Variants in PRDM11 observed in about 807,000 individuals in gnomAD.
PRDM11 encodes the protein PR/SET domain 11, also known as PR domain-containing protein 11.
PRDM11 carries 20 observed loss-of-function variants against 97.8 expected under a neutral mutation model. The ratio of observed to expected loss-of-function variants is 0.20; its 90% CI spans 0.14 to 0.30. The LOEUF (loss-of-function observed/expected upper bound fraction) is 0.30. PRDM11 is among the 10% of genes least tolerant of loss of function. PRDM11 has a pLI of 1.00. For missense variants in PRDM11, 1,139 were observed against 1,555.2 expected (o/e 0.73, Z 4.50); for synonymous variants, 599 against 637.7 (o/e 0.94, Z 0.91).
At chr11:45,122,925 T>C (rs998727916) in intron 1 of PRDM11, among the ~76,000 whole-genome samples, 2 of 151,480 alleles carry the variant, frequency 1.3e-5, no homozygotes, top group Admixed American at 6.6e-5. Context: ...ACACTGACTT[T>C]CACAATGGTT....
intron 1 of PRDM11, among the ~76,000 whole-genome samples, chr11:45,139,781 C>T (rs975380518): frequency 6.6e-6 from 1 of 151,958 alleles, no homozygotes; most frequent in African/African-American, 2.4e-5. Context: ...GTTGGTCTTC[C>T]TTGGGATACT....
intron 1 of PRDM11, among the ~76,000 whole-genome samples, chr11:45,177,575 A>G (rs1271259236): frequency 6.6e-6 from 1 of 152,072 alleles, no homozygotes; most frequent in Non-Finnish European, 1.5e-5. Context: ...CCTTTATCAC[A>G]AGCACAAAAG....
chr11:45,164,398 G>A (rs1006020001), intron 1 of PRDM11, among the ~76,000 whole-genome samples: 2 of 152,270 alleles, frequency 1.3e-5, no homozygotes, highest in African/African-American at 4.8e-5. Flanking sequence ...GGGGCTGTTG[G>A]CTGCATAAAT....
At chr11:45,194,518 A>T (rs1853031092) in intron 4 of PRDM11, among the ~76,000 whole-genome samples, 1 of 151,962 alleles carries the variant, frequency 6.6e-6, no homozygotes, top group Non-Finnish European at 1.5e-5. Flanking sequence ...TAGTAACAAT[A>T]ATAGCTGCTG....
At chr11:45,127,076 TTTCA>T in intron 1 of PRDM11, among the ~76,000 whole-genome samples, 1 of 152,214 alleles carries the variant, frequency 6.6e-6, no homozygotes, top group Admixed American at 6.5e-5. Context: ...TCTCGCTTCA[TTTCA>T]TTCATTTCAT....
rs1554976395 is a variant in PRDM11, at chr11:45,228,265, T to TATA, written c.*106_*107insATA. 7.4e-4 allele frequency: 88 copies of TATA among 119,524 alleles called. No homozygotes were observed. Among genetic ancestry groups the TATA allele is most frequent in the Middle Eastern group, 7.6e-3 (2 of 264 alleles). The allele number at this position is 119,524 out of a possible 1,614,324, so 7.4% of individuals were successfully genotyped here. ...ATATATTATATTATATTATATTATA[T>TATA]TATATATATATATATATATAAACTC... On this transcript the variant is annotated 3_prime_UTR_variant, in exon 8 of 8. Transcript: ENST00000683152.
In PRDM11 at chr11:45,122,236, C is replaced by CAG. The variant is rs1554964899; in HGVS notation, c.96+26341_96+26342dup. Among the ~76,000 whole-genome samples the CAG allele has an allele frequency of 9.0e-3, 1,295 of 144,534 alleles. 15 individuals carry two copies. The highest frequency in any genetic ancestry group is 0.03 in the South Asian group (130 of 4,370). The allele number at this position is 144,534 out of a possible 152,430, so 94.8% of individuals were successfully genotyped here. ...ACACACACACACACACACACACACACAGAGAGAAACAGAATATCAGCTAAG... is the reference window on the plus strand; with the variant it reads ...ACACACACACACACACACACACACACAGAGAGAGAAACAGAATATCAGCTAAG... On this transcript the variant is annotated intron_variant, in intron 1 of 6. Coordinates refer to the PRDM11 transcript ENST00000530656.
intron 1 of PRDM11, among the ~76,000 whole-genome samples, chr11:45,118,552 C>T (rs1235767074): frequency 6.6e-6 from 1 of 152,194 alleles, no homozygotes; most frequent in African/African-American, 2.4e-5. Flanking sequence ...ATTCCAAAAC[C>T]AATTCACCTG....
At chr11:45,099,296 T>C (rs918188833) in intron 1 of PRDM11, among the ~76,000 whole-genome samples, 34 of 151,966 alleles carry the variant, frequency 2.2e-4, no homozygotes, top group Non-Finnish European at 2.9e-4. Flanking sequence ...CTACTAAAGA[T>C]ACAAAAAAAT....
chr11:45,125,894 TTGTTAACTTTC>T (rs1308601989), intron 1 of PRDM11, among the ~76,000 whole-genome samples: 3 of 152,202 alleles, frequency 2.0e-5, no homozygotes, highest in African/African-American at 7.2e-5. Context: ...CTGGGTATCC[TTGTTAACTTTC>T]TGTCTTGTTG....
At chr11:45,136,310 AT>A (rs1291479089) in intron 1 of PRDM11, among the ~76,000 whole-genome samples, 1 of 152,222 alleles carries the variant, frequency 6.6e-6, no homozygotes, top group African/African-American at 2.4e-5. Context: ...CAGAATTCCT[AT>A]TTTAAAATTA....
intron 1 of PRDM11, among the ~76,000 whole-genome samples, chr11:45,113,732 G>A (rs780877694): frequency 2.6e-5 from 4 of 151,458 alleles, no homozygotes; most frequent in Admixed American, 6.6e-5. Flanking sequence ...AAAAGGGAGT[G>A]AGTTCATGAT....
intron 1 of PRDM11, among the ~76,000 whole-genome samples, chr11:45,118,030 TA>T (rs1014777099): frequency 1.3e-5 from 2 of 151,076 alleles, no homozygotes; most frequent in African/African-American, 4.9e-5. Flanking sequence ...GTCATGACAT[TA>T]AAAAAAAATT....
chr11:45,095,609 T>C (rs978698863), upstream of PRDM11, among the ~76,000 whole-genome samples: 2 of 152,212 alleles, frequency 1.3e-5, no homozygotes, highest in Admixed American at 6.5e-5. Flanking sequence ...TTTCCCAGAC[T>C]CCTCTGCAAT....
intron 1 of PRDM11, among the ~76,000 whole-genome samples, chr11:45,114,103 G>A (rs1852251600): frequency 6.6e-6 from 1 of 151,996 alleles, no homozygotes; most frequent in African/African-American, 2.4e-5. Context: ...CTCAGGGGAA[G>A]TGCAATAGAA....
intron 5 of PRDM11, among the ~76,000 whole-genome samples, chr11:45,210,076 G>GGAGAC (rs1485616887): frequency 6.6e-6 from 1 of 152,188 alleles, no homozygotes; most frequent in East Asian, 1.9e-4. Context: ...GGAGGGGGCT[G>GGAGAC]GAGACGAGGC....
intron 1 of PRDM11, among the ~76,000 whole-genome samples, chr11:45,153,301 C>G (rs972378672): frequency 2.2e-4 from 34 of 152,366 alleles, no homozygotes; most frequent in African/African-American, 7.9e-4. Context: ...CCACACTGTT[C>G]CCTGGAGAGG....
chr11:45,161,901 C>T (rs1851937845), intron 1 of PRDM11, among the ~76,000 whole-genome samples: 6 of 152,240 alleles, frequency 3.9e-5, no homozygotes, highest in Admixed American at 3.9e-4. Context: ...GGTCATGCGA[C>T]TCTCCCAAAG....
At chr11:45,129,531 C>T (rs144424114) in intron 1 of PRDM11, among the ~76,000 whole-genome samples, 2 of 152,138 alleles carry the variant, frequency 1.3e-5, no homozygotes, top group African/African-American at 2.4e-5. Context: ...TTAAAAACCA[C>T]CATTTACAAC....
Sources: gnomAD v4.1 joint callset for allele counts (sites outside exome capture counted in the v4.1 genomes callset) on GRCh38, gnomAD v4.1.1 for gene constraint, MANE v1.5 for transcripts, NCBI Gene and HGNC (gene_info 2026-07-23, HGNC 2026-07-21) for gene names.